Variants in ZNF516 observed in about 807,000 individuals in gnomAD.
The protein encoded by ZNF516 is zinc finger protein 516.
A neutral mutation model predicts 79.7 loss-of-function variants in ZNF516; 19 were observed. The observed-to-expected ratio is 0.24, with a 90% CI of 0.17 to 0.35. The LOEUF (loss-of-function observed/expected upper bound fraction) is 0.35, where lower values mean the gene tolerates loss of function less well. Ranked by LOEUF, ZNF516 falls within the 10% of genes least tolerant of loss-of-function variation. The pLI is 1.00. For missense variants in ZNF516, 1,678 were observed against 1,679.5 expected (o/e 1.00, Z 0.02); for synonymous variants, 877 against 739.5 (o/e 1.19, Z -3.02).
intron 1 of ZNF516, chr18:76,490,904 A>G (rs1433638685): frequency 2.0e-6 from 2 of 985,432 alleles, no homozygotes; most frequent in Non-Finnish European, 2.4e-6. Flanking sequence ...CAGGCAGTCC[A>G]CAGAGCCATC....
intron 3 of ZNF516, among the ~76,000 whole-genome samples, chr18:76,381,947 C>T (rs758776346): frequency 4.6e-5 from 7 of 152,298 alleles, no homozygotes; most frequent in Non-Finnish European, 4.4e-5. Flanking sequence ...GCCTGGCCAA[C>T]GTGGTGAAAC....
At position 76,359,776 on chromosome 18, in the gene ZNF516, G is replaced by T. The variant is rs1483232044; in HGVS notation, c.*2722C>A. 1.3e-5 allele frequency: 2 copies of T among 152,180 alleles called. No individual in the cohort carries two copies. The highest frequency in any genetic ancestry group is 6.8e-3 in the Middle Eastern group (2 of 294). The allele number at this position is 152,180 out of a possible 1,614,324, so 9.4% of individuals were successfully genotyped here. A position where few individuals can be genotyped will look rare whatever the true frequency, so the allele number is the denominator to read the frequency against. On this transcript the variant is annotated 3_prime_UTR_variant, in exon 7 of 7. Coordinates refer to ENST00000443185, the MANE Select transcript of ZNF516 (RefSeq NM_014643.4). ...GATCGGGAGAGGTAGTAGAAAGTCT[G>T]TAACAGTCAGAAGACAACGTACAGA...
intron 3 of ZNF516, among the ~76,000 whole-genome samples, chr18:76,397,514 A>G (rs1032115008): frequency 2.0e-5 from 3 of 152,178 alleles, no homozygotes; most frequent in Non-Finnish European, 2.9e-5. Flanking sequence ...TTTCATTTTA[A>G]GTGATAATCT....
At chr18:76,438,930 ACT>A (rs2075779457) in intron 3 of ZNF516, among the ~76,000 whole-genome samples, 1 of 152,202 alleles carries the variant, frequency 6.6e-6, no homozygotes, top group Non-Finnish European at 1.5e-5. Context: ...CCACACAGAC[ACT>A]CTAACAGTGT....
At chr18:76,428,267 C>T (rs553426235) in intron 3 of ZNF516, among the ~76,000 whole-genome samples, 11 of 151,992 alleles carry the variant, frequency 7.2e-5, no homozygotes, top group Admixed American at 3.9e-4. Flanking sequence ...GTGGCACGCA[C>T]CTGTAGTCCC....
At chr18:76,423,584 A>ACG (rs2075539569) in intron 3 of ZNF516, among the ~76,000 whole-genome samples, 1 of 132,792 alleles carries the variant, frequency 7.5e-6, no homozygotes, top group African/African-American at 2.8e-5. Context: ...CGAAACACAC[A>ACG]CAGGTAAAAA....
intron 3 of ZNF516, among the ~76,000 whole-genome samples, chr18:76,382,536 C>T (rs1269614867): frequency 6.6e-6 from 1 of 152,100 alleles, no homozygotes; most frequent in Non-Finnish European, 1.5e-5. Context: ...TCGAGGCTTC[C>T]AAAATGTTCC....
intron 3 of ZNF516, 24 bp downstream of exon 3, chr18:76,441,221 G>C (rs774692670): frequency 1.2e-6 from 2 of 1,600,054 alleles, no homozygotes; most frequent in Non-Finnish European, 1.7e-6. Context: ...CCAGGACCCA[G>C]GCCACCTGGG....
chr18:76,375,535 G>T (rs1335341050), intron 4 of ZNF516, among the ~76,000 whole-genome samples: 1 of 151,214 alleles, frequency 6.6e-6, no homozygotes, highest in Non-Finnish European at 1.5e-5. Context: ...AGGTCCTGGA[G>T]ATCAGGTAGA....
chr18:76,372,676 T>C (rs1328227601), intron 4 of ZNF516: 5 of 152,224 alleles, frequency 3.3e-5, no homozygotes, highest in Non-Finnish European at 7.3e-5. Flanking sequence ...GCTTACACTA[T>C]AGATCATGTT....
chr18:76,427,149 T>TC (rs1242757760), intron 3 of ZNF516, among the ~76,000 whole-genome samples: 2 of 152,192 alleles, frequency 1.3e-5, no homozygotes, highest in African/African-American at 4.8e-5. Flanking sequence ...CTGCCCTTCT[T>TC]CCCTTCACAC....
At chr18:76,440,906 G>T (rs2075809143) in intron 3 of ZNF516, among the ~76,000 whole-genome samples, 1 of 152,212 alleles carries the variant, frequency 6.6e-6, no homozygotes, top group African/African-American at 2.4e-5. Flanking sequence ...ATCAACCCTA[G>T]AGGTCAAAGG....
chr18:76,496,323 G>C (rs747557524), upstream of ZNF516: 17 of 1,289,586 alleles, frequency 1.3e-5, no homozygotes, highest in Admixed American at 4.6e-5. Flanking sequence ...TAACTCCGCA[G>C]TGGAGGTGGA....
At chr18:76,490,908 A>G (rs1330071675) in intron 1 of ZNF516, 3 of 985,462 alleles carry the variant, frequency 3.0e-6, no homozygotes, top group African/African-American at 3.5e-5. Context: ...CAGTCCACAG[A>G]GCCATCCCCG....
At chr18:76,423,628 A>G (rs2075540717) in intron 3 of ZNF516, among the ~76,000 whole-genome samples, 1 of 64,424 alleles carries the variant, frequency 1.6e-5, no homozygotes, top group Admixed American at 1.6e-4. Context: ...ACGCAGGTGA[A>G]AGGGTCCCCC....
At chr18:76,380,924 AAGGTCCCCC>A (rs2074881420) in intron 3 of ZNF516, among the ~76,000 whole-genome samples, 1 of 152,184 alleles carries the variant, frequency 6.6e-6, no homozygotes, top group African/African-American at 2.4e-5. Flanking sequence ...CTGATGCCCC[AAGGTCCCCC>A]AGAGGCGGGT....
chr18:76,465,947 A>C (rs576930431), intron 1 of ZNF516, among the ~76,000 whole-genome samples: 2 of 152,310 alleles, frequency 1.3e-5, no homozygotes, highest in South Asian at 4.1e-4. Flanking sequence ...AAATCCCAGG[A>C]ACAGCTAGAC....
intron 2 of ZNF516, among the ~76,000 whole-genome samples, chr18:76,456,892 T>TTCCAAAATCGC (rs1912762132): frequency 6.6e-6 from 1 of 152,228 alleles, no homozygotes. Flanking sequence ...TTTTGTTGTT[T>TTCCAAAATCGC]TCCAAAATCA....
At chr18:76,452,368 G>A (rs1912466441) in intron 2 of ZNF516, among the ~76,000 whole-genome samples, 1 of 152,266 alleles carries the variant, frequency 6.6e-6, no homozygotes, top group East Asian at 1.9e-4. Flanking sequence ...ACATTACTTA[G>A]CACCCCCCAA....
Sources: allele counts gnomAD v4.1 joint callset (sites outside exome capture counted in the v4.1 genomes callset), GRCh38; gene constraint gnomAD v4.1.1; transcripts MANE v1.5; gene names NCBI Gene and HGNC (gene_info 2026-07-23, HGNC 2026-07-21).